GRID2: variants seen among roughly 807,000 people sequenced by gnomAD.
GRID2 encodes the protein glutamate ionotropic receptor delta type subunit 2, also known as glutamate receptor ionotropic, delta-2.
In GRID2, 33 loss-of-function variants were observed where a neutral mutation model predicts 114.8. That is an observed-to-expected ratio of 0.29 (90% CI 0.22 to 0.38). The LOEUF (loss-of-function observed/expected upper bound fraction) is 0.38. Among genes scored for constraint, GRID2 ranks in the 10% least tolerant of loss-of-function variants. The pLI is 1.00. For synonymous variants in GRID2, 505 were observed against 449.9 expected (o/e 1.12, Z -1.55); for missense variants, 1,184 against 1,257.7 (o/e 0.94, Z 0.89).
intron 2 of GRID2, among the ~76,000 whole-genome samples, chr4:92,600,042 GTGTATATATATA>G (rs1385276169): frequency 2.4e-4 from 17 of 70,382 alleles, no homozygotes; most frequent in African/African-American, 3.5e-4. Context: ...GTGTGTGTGT[GTGTATATATATA>G]TATATATATA....
At chr4:93,540,018 T>A (rs968968846) in intron 13 of GRID2, among the ~76,000 whole-genome samples, 1 of 151,984 alleles carries the variant, frequency 6.6e-6, no homozygotes, top group Admixed American at 6.6e-5. Context: ...TTTAGTTTCT[T>A]TCTGGAGTTC....
At chr4:92,317,619 GT>G (rs1272625875) in intron 1 of GRID2, among the ~76,000 whole-genome samples, 1 of 152,160 alleles carries the variant, frequency 6.6e-6, no homozygotes, top group East Asian at 1.9e-4. Context: ...GGAGCAAAGG[GT>G]TTTAGATAAT....
intron 9 of GRID2, among the ~76,000 whole-genome samples, chr4:93,408,696 A>T (rs1055234391): frequency 6.6e-6 from 1 of 152,178 alleles, no homozygotes; most frequent in East Asian, 1.9e-4. Flanking sequence ...TTATATGCTT[A>T]TTGTGACACA....
chr4:92,438,438 C>T (rs1414048875), intron 1 of GRID2, among the ~76,000 whole-genome samples: 1 of 151,946 alleles, frequency 6.6e-6, no homozygotes, highest in Non-Finnish European at 1.5e-5. Context: ...ATCTTAATAT[C>T]TAACACCAAT....
At chr4:93,251,645 T>C (rs960133225) in intron 8 of GRID2, among the ~76,000 whole-genome samples, 1 of 151,972 alleles carries the variant, frequency 6.6e-6, no homozygotes, top group Non-Finnish European at 1.5e-5. Flanking sequence ...TTTTTCTTGA[T>C]CTTCTTTTTC....
intron 4 of GRID2, among the ~76,000 whole-genome samples, chr4:93,112,883 TC>T (rs1158636922): frequency 3.3e-5 from 5 of 152,180 alleles, no homozygotes; most frequent in Non-Finnish European, 2.9e-5. Context: ...ATTTCCTTTT[TC>T]TATAAGGACA....
chr4:93,781,551 G>A (rs1734479402), intron 1 of GRID2, among the ~76,000 whole-genome samples: 1 of 152,100 alleles, frequency 6.6e-6, no homozygotes, highest in African/African-American at 2.4e-5. Context: ...GTCAGTCGGG[G>A]GTTGGTTCCA....
chr4:92,590,389 G>T (rs749040083), intron 2 of GRID2, 103 bp downstream of exon 2: 78 of 781,036 alleles, frequency 1.0e-4, no homozygotes, highest in Non-Finnish European at 1.5e-4. Context: ...TTTGTATCTT[G>T]TTGATAATAG....
intron 14 of GRID2, among the ~76,000 whole-genome samples, chr4:93,649,817 G>C (rs192777160): frequency 6.6e-6 from 1 of 151,942 alleles, no homozygotes; most frequent in Non-Finnish European, 1.5e-5. Flanking sequence ...TCTTTCTGTC[G>C]CATAACTTTA....
chr4:92,678,509 A>G (rs767380753), intron 2 of GRID2, among the ~76,000 whole-genome samples: 3 of 152,078 alleles, frequency 2.0e-5, no homozygotes, highest in Non-Finnish European at 4.4e-5. Context: ...TCAATACGTT[A>G]GTCACTGGTG....
At chr4:93,388,142 G>A (rs1433830670) in intron 8 of GRID2, among the ~76,000 whole-genome samples, 1 of 151,932 alleles carries the variant, frequency 6.6e-6, no homozygotes, top group East Asian at 1.9e-4. Context: ...AGCCTGGGGT[G>A]GGGGCAGGAG....
At chr4:93,519,175 T>A (rs1410410480) in intron 13 of GRID2, among the ~76,000 whole-genome samples, 1 of 152,178 alleles carries the variant, frequency 6.6e-6, no homozygotes, top group East Asian at 1.9e-4. Context: ...GTTGGCTTTT[T>A]CTCTGGTGGG....
At chr4:93,600,776 C>T (rs776743075) in intron 13 of GRID2, among the ~76,000 whole-genome samples, 4 of 152,136 alleles carry the variant, frequency 2.6e-5, no homozygotes, top group Non-Finnish European at 5.9e-5. Context: ...GCAACCCAAA[C>T]GTCCAACAAT....
chr4:92,910,285 G>A (rs1373771387), intron 2 of GRID2, among the ~76,000 whole-genome samples: 1 of 151,966 alleles, frequency 6.6e-6, no homozygotes, highest in Non-Finnish European at 1.5e-5. Context: ...ACAGACTGCT[G>A]CACCACTTCC....
At chr4:93,584,656 A>G (rs1578318789) in intron 13 of GRID2, among the ~76,000 whole-genome samples, 1 of 152,176 alleles carries the variant, frequency 6.6e-6, no homozygotes, top group Admixed American at 6.6e-5. Flanking sequence ...TCTTAATATA[A>G]GCTCCATCAA....
intron 2 of GRID2, among the ~76,000 whole-genome samples, chr4:92,971,136 C>G (rs1753488740): frequency 6.6e-6 from 1 of 151,928 alleles, no homozygotes; most frequent in Non-Finnish European, 1.5e-5. Context: ...GTGCCCAGAT[C>G]ATCTTAAAGC....
In GRID2 at chr4:93,790,946, A is replaced by ACTT. The variant is rs1368426381; in HGVS notation, c.222-15768_222-15766dup. Among the ~76,000 whole-genome samples, 12 of 152,334 alleles carry ACTT rather than the reference A, an allele frequency of 7.9e-5. No homozygotes were observed. In the South Asian group the frequency reaches 2.5e-3, roughly 32 times the overall value. On this transcript the variant is annotated intron_variant, in intron 1 of 1. Transcript: ENST00000637838. ...TTTAATGCTTTAATAGACGTAAAAC[A>ACTT]CTTAGCACAGTTCTTTGTTCACAGT...
intron 4 of GRID2, among the ~76,000 whole-genome samples, chr4:93,166,660 A>G (rs563360264): frequency 6.6e-6 from 1 of 152,268 alleles, no homozygotes; most frequent in African/African-American, 2.4e-5. Flanking sequence ...CAGAAGCCTC[A>G]TGTAGGGATA....
rs1206780169 is a variant in GRID2 at position 92,600,044 on chromosome 4, G to GTGTATA, written c.244+9759_244+9760insGTATAT. ...CATGTATGTGTGTGTGTGTGTGTGT[G>GTGTATA]TATATATATATATATATATATATAT... On this transcript the variant is annotated intron_variant, in intron 2 of 15. Transcript: ENST00000282020. Among the ~76,000 whole-genome samples, 283 of 54,390 alleles carry GTGTATA rather than the reference G, an allele frequency of 5.2e-3. 1 individual carries two copies. The highest frequency in any genetic ancestry group is 6.9e-3 in the Non-Finnish European group (199 of 28,984). 35.7% of individuals were successfully genotyped at this position (54,390 alleles called of 152,430 possible). A position where few individuals can be genotyped will look rare whatever the true frequency, so the allele number is the denominator to read the frequency against.
Sources: gnomAD v4.1 joint callset for allele counts (sites outside exome capture counted in the v4.1 genomes callset) on GRCh38, gnomAD v4.1.1 for gene constraint, MANE v1.5 for transcripts, NCBI Gene and HGNC (gene_info 2026-07-23, HGNC 2026-07-21) for gene names.